Variants in GPR19 observed in about 807,000 individuals in gnomAD.
The protein encoded by GPR19 is probable G protein-coupled receptor 19.
Under a neutral mutation model 28.5 loss-of-function variants are expected in GPR19, and 14 were observed. The ratio of observed to expected loss-of-function variants is 0.49; its 90% confidence interval spans 0.32 to 0.77. The LOEUF is 0.77. GPR19 is among the 30% of genes least tolerant of loss of function. The pLI, the probability that GPR19 is intolerant of heterozygous loss-of-function variation, is 0.03. For missense variants in GPR19, 409 were observed against 504.1 expected (o/e 0.81, Z 1.81); for synonymous variants, 173 against 184.1 (o/e 0.94, Z 0.49).
Position 12,661,371 on chromosome 12 carries a change from T to C in GPR19, c.1078A>G (p.Ile360Val). The C allele has an allele frequency of 6.2e-7, 1 of 1,614,048 alleles. No individual in the cohort carries two copies. Among genetic ancestry groups the C allele is most frequent in the Non-Finnish European group, 8.5e-7 (1 of 1,179,892 alleles). Residue 360 changes from isoleucine to valine, a missense_variant, in exon 4 of 4, where the codon ATC becomes GTC. Physicochemically the swap from Ile to Val is conservative, Grantham distance 29 (BLOSUM62 3). Coordinates refer to ENST00000651487, the MANE Select transcript of GPR19 (RefSeq NM_006143.3). This position sits in a 1 kb window ranked among gnomAD's most constrained non-coding sequence, Gnocchi z 4.2. ...TTGGCCATCCTTGAACTTGTTGTGATAGTATAGGCATTGCTTCGGTAACAT... is the reference window on the plus strand; with the variant it reads ...TTGGCCATCCTTGAACTTGTTGTGACAGTATAGGCATTGCTTCGGTAACAT... ...MKCYRSNAYTITTSSRMAKKN... is the reference protein window; with the variant it reads ...MKCYRSNAYTVTTSSRMAKKN...
At chr12:12,680,611 A>G (rs976853262) in intron 3 of GPR19, among the ~76,000 whole-genome samples, 2 of 151,816 alleles carry the variant, frequency 1.3e-5, no homozygotes, top group Non-Finnish European at 2.9e-5. Flanking sequence ...GGCCCATGCA[A>G]TCTTCCTACC....
At chr12:12,713,068 T>A in the GPR19 span, among the ~76,000 whole-genome samples, 1 of 149,574 alleles carries the variant, frequency 6.7e-6, no homozygotes, top group South Asian at 2.1e-4. Flanking sequence ...TTTTTTTTTT[T>A]TTTTTTTTTT....
At chr12:12,700,519 T>G (rs1946315371), upstream of GPR19, among the ~76,000 whole-genome samples, 1 of 152,194 alleles carries the variant, frequency 6.6e-6, no homozygotes, top group Non-Finnish European at 1.5e-5. Context: ...AACAAGCATG[T>G]TTTTTTAATG....
At chr12:12,687,911 T>C (rs143179460) in intron 2 of GPR19, among the ~76,000 whole-genome samples, 1,641 of 152,348 alleles carry the variant, frequency 0.011, 43 homozygotes, top group African/African-American at 0.037. Flanking sequence ...TGAGCTCTGA[T>C]AGTGCCACTG....
chr12:12,697,649 A>T (rs1565413768), upstream of GPR19, among the ~76,000 whole-genome samples: 2 of 152,218 alleles, frequency 1.3e-5, no homozygotes, highest in African/African-American at 4.8e-5. Flanking sequence ...GACATATGAA[A>T]TTAAGCAGAG....
the GPR19 span, among the ~76,000 whole-genome samples, chr12:12,711,093 A>G: frequency 6.6e-6 from 1 of 151,980 alleles, no homozygotes; most frequent in Non-Finnish European, 1.5e-5. Context: ...CAGGATATTG[A>G]GACCATCCTG....
chr12:12,705,339 AT>A, the GPR19 span, among the ~76,000 whole-genome samples: 1 of 152,164 alleles, frequency 6.6e-6, no homozygotes, highest in South Asian at 2.1e-4. Flanking sequence ...ATTGCTGAGA[AT>A]TTATAATAAA....
intron 3 of GPR19, among the ~76,000 whole-genome samples, chr12:12,664,500 T>A (rs1025673624): frequency 6.6e-6 from 1 of 151,110 alleles, no homozygotes; most frequent in African/African-American, 2.4e-5. Flanking sequence ...TTTTAAAAAT[T>A]AAAAAAAAAG....
At position 12,661,909 on chromosome 12, in the gene GPR19, G is replaced by A. The variant is rs1470042982; in HGVS notation, c.540C>T (p.Ala180=). ...CCCACGATGCCGCAATCATTTTCTT[G>A]GCTTTTTCTCTGGACACCTTGAAGC... is the stretch of plus-strand genomic sequence containing the variant. ...PLSFKVSREK[A]KKMIAASWVF... The change falls in exon 4 of 4, where the codon GCC becomes GCT. Residue 180 remains alanine, a synonymous_variant. Transcript: ENST00000651487. The surrounding 1 kb of genome is among the most constrained non-coding windows in gnomAD (Gnocchi z 4.2). The A allele has an allele frequency of 6.2e-7, 1 of 1,614,134 alleles. No homozygotes were observed. Among genetic ancestry groups the A allele is most frequent in the Non-Finnish European group, 8.5e-7 (1 of 1,180,048 alleles).
chr12:12,711,838 C>G, the GPR19 span, among the ~76,000 whole-genome samples: 3 of 152,188 alleles, frequency 2.0e-5, no homozygotes, highest in African/African-American at 7.2e-5. Context: ...CTCTCTCAAT[C>G]CTCTTATATG....
At chr12:12,698,611 T>C (rs1294950133), upstream of GPR19, among the ~76,000 whole-genome samples, 1 of 57,372 alleles carries the variant, frequency 1.7e-5, no homozygotes, top group African/African-American at 4.3e-5. Flanking sequence ...ATCGATAACT[T>C]AAAGCATTTT....
At chr12:12,682,992 G>T (rs1946044161) in intron 3 of GPR19, among the ~76,000 whole-genome samples, 1 of 152,098 alleles carries the variant, frequency 6.6e-6, no homozygotes, top group Admixed American at 6.5e-5. Context: ...TATATACATA[G>T]TTTTAGAAGT....
At chr12:12,706,747 A>G in the GPR19 span, among the ~76,000 whole-genome samples, 1 of 152,052 alleles carries the variant, frequency 6.6e-6, no homozygotes, top group Non-Finnish European at 1.5e-5. Flanking sequence ...AGCAAATCCC[A>G]TTGGCTGTAT....
rs1946006651 is a variant in GPR19 at position 12,680,765 on chromosome 12, T to A, written c.-23+3586A>T. 2.0e-5 allele frequency among the ~76,000 whole-genome samples: 3 copies of A among 152,286 alleles called. No homozygotes were observed. The South Asian group carries it at 6.2e-4, about 32-fold the overall frequency. On this transcript the variant is annotated intron_variant, in intron 3 of 3. Transcript: ENST00000651487. ...GAGCAGTGGCACCATCTCAGCTCAC[T>A]GCAACCTCCACCTACCGGGTTCAAG...
intron 3 of GPR19, among the ~76,000 whole-genome samples, chr12:12,665,125 C>G (rs776251652): frequency 6.6e-6 from 1 of 152,162 alleles, no homozygotes; most frequent in Non-Finnish European, 1.5e-5. Context: ...TTTCCCCAGA[C>G]AGAAAACTGT....
upstream of GPR19, among the ~76,000 whole-genome samples, chr12:12,698,771 C>T (rs565873460): frequency 2.0e-4 from 30 of 151,940 alleles, no homozygotes; most frequent in African/African-American, 6.0e-4. Context: ...CCACCACGCC[C>T]GGCTAATTTT....
intron 3 of GPR19, among the ~76,000 whole-genome samples, chr12:12,663,462 AC>A (rs1393583260): frequency 6.6e-6 from 1 of 152,002 alleles, no homozygotes; most frequent in Non-Finnish European, 1.5e-5. Context: ...ATTACTAAGC[AC>A]TTTTTAAAAG....
chr12:12,716,136 C>T, the GPR19 span, among the ~76,000 whole-genome samples: 1 of 152,148 alleles, frequency 6.6e-6, no homozygotes, highest in African/African-American at 2.4e-5. Flanking sequence ...CCTTCCACCA[C>T]GGTGCTCAAG....
At chr12:12,713,569 G>C in the GPR19 span, among the ~76,000 whole-genome samples, 2 of 150,500 alleles carry the variant, frequency 1.3e-5, no homozygotes, top group African/African-American at 4.9e-5. Flanking sequence ...GTCTCACTCT[G>C]TCTTCCAGGC....
Sources: allele counts gnomAD v4.1 joint callset (sites outside exome capture counted in the v4.1 genomes callset), GRCh38; gene constraint gnomAD v4.1.1; non-coding constraint Gnocchi (gnomAD v3.1); transcripts MANE v1.5; gene names NCBI Gene and HGNC (gene_info 2026-07-23, HGNC 2026-07-21).